Variants in CNMD observed in about 807,000 individuals in gnomAD.
CNMD encodes chondromodulin.
CNMD carries 30 observed loss-of-function variants against 37.5 expected under a neutral mutation model. The observed-to-expected ratio is 0.80, with a 90% CI of 0.60 to 1.09. CNMD has a LOEUF of 1.09. CNMD is among the 50% of genes least tolerant of loss of function. The pLI is 0.00. For missense variants in CNMD, 398 were observed against 423.9 expected (o/e 0.94, Z 0.54); for synonymous variants, 167 against 148.2 (o/e 1.13, Z -0.92).
rs535051659 is a variant in CNMD, at chr13:52,713,541, A to G, written c.469-672T>C. 9.2e-5 allele frequency among the ~76,000 whole-genome samples: 14 copies of G among 152,328 alleles called. No individual in the cohort carries two copies. In the South Asian group the frequency reaches 2.9e-3, roughly 32 times the overall value. On this transcript the variant is annotated intron_variant, in intron 4 of 6. Coordinates refer to ENST00000377962, the MANE Select transcript of CNMD (RefSeq NM_007015.3). ...CCTTTCGTGTACTTATTAGTCTGCA[A>G]TAGCTTGGAGAAATTAAAATGTTTT...
intron 2 of CNMD, among the ~76,000 whole-genome samples, chr13:52,735,102 G>T (rs568955033): frequency 5.9e-5 from 9 of 152,290 alleles, no homozygotes; most frequent in African/African-American, 1.7e-4. Context: ...CACTCCTGGG[G>T]GTTCTGATTT....
chr13:52,739,775 C>G lies in CNMD; in HGVS notation c.-74G>C. The stretch of plus-strand genomic sequence containing the variant: ...GGATCTGTCCCGCTGCCCCGACGTG[C>G]AGGGCATTTCAACGCCGCGCGCACA... On this transcript the variant is annotated 5_prime_UTR_variant, in exon 1 of 7. Transcript: ENST00000377962. The surrounding 1 kb of genome is among the most constrained non-coding windows in gnomAD (Gnocchi z 5.4). The G allele has an allele frequency of 7.4e-7, 1 of 1,345,542 alleles. No individual in the cohort carries two copies. The highest frequency in any genetic ancestry group is 1.1e-6 in the Non-Finnish European group (1 of 943,496). The allele number at this position is 1,345,542 out of a possible 1,614,324, so 83.4% of individuals were successfully genotyped here.
Position 52,712,803 on chromosome 13 carries a change from C to A in CNMD, c.535G>T (p.Val179Leu). 1 of 1,596,140 alleles carries A rather than the reference C, an allele frequency of 6.3e-7. No individual in the cohort carries two copies. The highest frequency in any genetic ancestry group is 8.5e-7 in the Non-Finnish European group (1 of 1,171,208). The change falls in exon 5 of 7, where the codon GTG (valine) becomes TTG (leucine). Residue 179 changes from valine (V) to leucine (L), a missense_variant. Transcript: ENST00000377962. ...SLIWVAVDQP[V>L]KDNSFLSSKV... ...GAACTCAAGAAGCTGTTGTCCTTCA[C>A]AGGCTGATCTACAGCCACCCAGATA...
chr13:52,737,129 C>T (rs916027846), intron 2 of CNMD, among the ~76,000 whole-genome samples: 1 of 152,124 alleles, frequency 6.6e-6, no homozygotes, highest in Non-Finnish European at 1.5e-5. Flanking sequence ...GTGGATAATC[C>T]ATTTGGTTTG....
chr13:52,703,450 A>C lies in CNMD; in HGVS notation c.*145T>G, dbSNP rs766094871. Reference sequence around the variant, plus strand: ...TAAAGTTCTGGAAAACAATTGAAAAAATTCTGTTAAGAGTGTCAAGAATAA... The same window carrying C: ...TAAAGTTCTGGAAAACAATTGAAAACATTCTGTTAAGAGTGTCAAGAATAA... On this transcript the variant is annotated 3_prime_UTR_variant, in exon 7 of 7. Coordinates refer to ENST00000377962, the MANE Select transcript of CNMD (RefSeq NM_007015.3). 1.2e-5 allele frequency: 7 copies of C among 582,056 alleles called. No individual in the cohort carries two copies. Among genetic ancestry groups the C allele is most frequent in the East Asian group, 2.8e-5 (1 of 36,058 alleles). 36.1% of individuals were successfully genotyped at this position (582,056 alleles called of 1,614,324 possible).
At chr13:52,712,968 TTAA>T in intron 4 of CNMD, 99 bp from the exon 5 acceptor site, 4 of 915,648 alleles carry the variant, frequency 4.4e-6, no homozygotes, top group African/African-American at 1.6e-5. Flanking sequence ...TTATAAAAAA[TTAA>T]TGAGAATTCC....
intron 6 of CNMD, among the ~76,000 whole-genome samples, chr13:52,704,715 G>A (rs917410874): frequency 3.3e-5 from 5 of 152,162 alleles, no homozygotes; most frequent in Non-Finnish European, 5.9e-5. Context: ...TGATTCTGGT[G>A]TTTAAACAAA....
At chr13:52,721,149 C>A (rs1964475665) in intron 4 of CNMD, among the ~76,000 whole-genome samples, 1 of 152,134 alleles carries the variant, frequency 6.6e-6, no homozygotes, top group Admixed American at 6.5e-5. Context: ...TGCCCCTCCC[C>A]CCACCAAGCT....
rs1388241486 is a variant in CNMD at position 52,739,456 on chromosome 13, C to T, written c.72+174G>A. 9 of 692,430 alleles carry T rather than the reference C, an allele frequency of 1.3e-5. No individual in the cohort carries two copies. Among genetic ancestry groups the T allele is most frequent in the African/African-American group, 9.0e-5 (5 of 55,662 alleles). 42.9% of individuals were successfully genotyped at this position (692,430 alleles called of 1,614,324 possible). On this transcript the variant is annotated intron_variant, in intron 1 of 6. Transcript: ENST00000377962. This position sits in a 1 kb window ranked among gnomAD's most constrained non-coding sequence, Gnocchi z 5.4. Reference sequence around the variant, plus strand: ...TCCCTCCGCACCCGCCTGTGGATGCCGTGACCCCTGCACACTCATACGCGT... The same window carrying T: ...TCCCTCCGCACCCGCCTGTGGATGCTGTGACCCCTGCACACTCATACGCGT...
At chr13:52,737,237 T>C (rs1203062899) in intron 2 of CNMD, among the ~76,000 whole-genome samples, 3 of 152,234 alleles carry the variant, frequency 2.0e-5, no homozygotes, top group Non-Finnish European at 4.4e-5. Context: ...GTGCATGTGC[T>C]ATGCCTAGGT....
chr13:52,706,787 T>C (rs1279652475), intron 6 of CNMD, among the ~76,000 whole-genome samples: 1 of 151,972 alleles, frequency 6.6e-6, no homozygotes, highest in Non-Finnish European at 1.5e-5. Flanking sequence ...ACTGGACAAA[T>C]AGTCATTGTT....
chr13:52,730,372 G>A (rs1443186129), intron 3 of CNMD, among the ~76,000 whole-genome samples: 9 of 152,016 alleles, frequency 5.9e-5, no homozygotes, highest in Non-Finnish European at 1.0e-4. Flanking sequence ...GGTATTTCTA[G>A]TTCTAGATCC....
chr13:52,709,250 A>G (rs6561685), intron 5 of CNMD, among the ~76,000 whole-genome samples: 145,669 of 152,276 alleles, frequency 0.96, 69,692 homozygotes, highest in East Asian at 0.99. Flanking sequence ...ACCATAAGCC[A>G]GCATGCTACA....
At chr13:52,732,909 A>G (rs918127076) in intron 3 of CNMD, among the ~76,000 whole-genome samples, 1 of 152,192 alleles carries the variant, frequency 6.6e-6, no homozygotes, top group Non-Finnish European at 1.5e-5. Context: ...ACATACCTTT[A>G]ATTTCCTAGA....
chr13:52,733,501 A>T, intron 2 of CNMD, 142 bp from the exon 3 acceptor site: 1 of 770,336 alleles, frequency 1.3e-6, no homozygotes, highest in South Asian at 1.4e-5. Context: ...TTTATATATG[A>T]TGACTTCATT....
chr13:52,707,957 T>C (rs1255496696), intron 6 of CNMD, among the ~76,000 whole-genome samples: 1 of 149,506 alleles, frequency 6.7e-6, no homozygotes, highest in Non-Finnish European at 1.5e-5. Flanking sequence ...AAAAAAAAAA[T>C]ACAAAAAATT....
chr13:52,709,107 C>T (rs1211517726), intron 5 of CNMD, among the ~76,000 whole-genome samples: 2 of 152,162 alleles, frequency 1.3e-5, no homozygotes, highest in African/African-American at 4.8e-5. Context: ...TACGCTAGTG[C>T]AGTTTCTGGG....
chr13:52,726,510 T>TAA (rs79307237), intron 3 of CNMD, among the ~76,000 whole-genome samples: 115 of 136,046 alleles, frequency 8.5e-4, no homozygotes, highest in Middle Eastern at 3.8e-3. Context: ...TGTTTACAGC[T>TAA]AAAAAAAAAA....
intron 5 of CNMD, among the ~76,000 whole-genome samples, chr13:52,711,963 A>G (rs1455007476): frequency 6.6e-6 from 1 of 152,136 alleles, no homozygotes; most frequent in Admixed American, 6.5e-5. Flanking sequence ...CTTCCATAAA[A>G]TCTTTCAGAA....
Sources: allele counts gnomAD v4.1 joint callset (sites outside exome capture counted in the v4.1 genomes callset), GRCh38; gene constraint gnomAD v4.1.1; non-coding constraint Gnocchi (gnomAD v3.1); transcripts MANE v1.5; gene names NCBI Gene and HGNC (gene_info 2026-07-23, HGNC 2026-07-21).